ARHGAP32: variants seen among roughly 807,000 people sequenced by gnomAD.
ARHGAP32 encodes rho GTPase-activating protein 32.
In ARHGAP32, 51 loss-of-function variants were observed where a neutral mutation model predicts 186.5. The ratio of observed to expected loss-of-function variants is 0.27; its 90% CI spans 0.22 to 0.35. ARHGAP32 has a LOEUF of 0.35. Ranked by LOEUF, ARHGAP32 falls within the 10% of genes least tolerant of loss-of-function variation. ARHGAP32 has a pLI of 1.00. For synonymous variants in ARHGAP32, 950 were observed against 964.3 expected, an observed-to-expected ratio of 0.99 and a Z score of 0.27; for missense variants, 2,186 against 2,623.5, an observed-to-expected ratio of 0.83 and a Z score of 3.64.
At position 129,123,808 on chromosome 11, in the gene ARHGAP32, C is replaced by T. The variant is rs964997545; in HGVS notation, c.359+80G>A. 7.7e-6 allele frequency: 9 copies of T among 1,171,332 alleles called. No individual in the cohort carries two copies. Among genetic ancestry groups the T allele is most frequent in the South Asian group, 4.2e-5 (3 of 71,810 alleles). 72.6% of individuals were successfully genotyped at this position (1,171,332 alleles called of 1,614,324 possible). On this transcript the variant is annotated intron_variant, in intron 4 of 22. Coordinates refer to ENST00000682385, the MANE Select transcript of ARHGAP32 (RefSeq NM_001378024.1). The surrounding 1 kb of genome is among the most constrained non-coding windows in gnomAD (Gnocchi z 4.6). ...ATGTCCATAGAAAAACTGCTATTTTCGGCAAATGTTATGGAAACTGTGGAC... is the reference window on the plus strand; with the variant it reads ...ATGTCCATAGAAAAACTGCTATTTTTGGCAAATGTTATGGAAACTGTGGAC...
chr11:129,130,972 C>CATATAT (rs543545573), intron 2 of ARHGAP32, among the ~76,000 whole-genome samples: 17 of 151,444 alleles, frequency 1.1e-4, no homozygotes, highest in African/African-American at 3.6e-4. Context: ...TAAATTATGG[C>CATATAT]ATACATATAT....
intron 1 of ARHGAP32, among the ~76,000 whole-genome samples, chr11:129,164,732 T>G (rs1943598282): frequency 6.6e-6 from 1 of 152,198 alleles, no homozygotes; most frequent in South Asian, 2.1e-4. Context: ...CTTGAAAAGA[T>G]TTGCAACAGC....
chr11:129,223,378 T>C (rs1309365271), intron 1 of ARHGAP32, among the ~76,000 whole-genome samples: 1 of 151,638 alleles, frequency 6.6e-6, no homozygotes, highest in African/African-American at 2.4e-5. Context: ...AGTGCTTTTA[T>C]TTGTTTCTTA....
At chr11:129,140,441 T>C (rs1417399003) in intron 2 of ARHGAP32, among the ~76,000 whole-genome samples, 3 of 152,196 alleles carry the variant, frequency 2.0e-5, no homozygotes, top group Non-Finnish European at 4.4e-5. Flanking sequence ...TGATAATTTC[T>C]TATACATATT....
At chr11:129,192,366 G>A (rs74435669), upstream of ARHGAP32, among the ~76,000 whole-genome samples, 450 of 152,240 alleles carry the variant, frequency 3.0e-3, 8 homozygotes, top group African/African-American at 0.01. Flanking sequence ...GGAAATCACA[G>A]GCAGCACAGT....
At chr11:129,092,382 C>T (rs895800895) in intron 6 of ARHGAP32, among the ~76,000 whole-genome samples, 4 of 151,882 alleles carry the variant, frequency 2.6e-5, no homozygotes, top group South Asian at 2.1e-4. Context: ...GACATACCAA[C>T]GATGTACTCT....
At chr11:129,131,757 TG>T (rs1942815759) in intron 2 of ARHGAP32, among the ~76,000 whole-genome samples, 2 of 152,150 alleles carry the variant, frequency 1.3e-5, no homozygotes, top group Admixed American at 1.3e-4. Flanking sequence ...AGTGGTGGTA[TG>T]GGTACTTAAG....
At chr11:129,157,096 G>A (rs964649984) in intron 2 of ARHGAP32, among the ~76,000 whole-genome samples, 17 of 152,064 alleles carry the variant, frequency 1.1e-4, no homozygotes, top group Admixed American at 9.2e-4. Context: ...AAACACCAAA[G>A]GTAGATAAAT....
intron 1 of ARHGAP32, among the ~76,000 whole-genome samples, chr11:129,236,652 A>G (rs1202680165): frequency 6.6e-6 from 1 of 152,112 alleles, no homozygotes; most frequent in African/African-American, 2.4e-5. Context: ...AGCTTTTTGG[A>G]TACGTCTTTA....
At chr11:129,193,689 T>TTATATAA (rs1362495871), upstream of ARHGAP32, among the ~76,000 whole-genome samples, 6 of 24,420 alleles carry the variant, frequency 2.5e-4, no homozygotes, top group South Asian at 2.9e-3. Context: ...ATAATATATA[T>TTATATAA]TATATAATAT....
At position 129,226,451 on chromosome 11, in the gene ARHGAP32, T is replaced by C. The variant is rs1006699671; in HGVS notation, c.-5+52695A>G. ...AGAAATCATGGAGGCCAGAAGGCAG[T>C]AGAATTACGTATTCAAAGTGCTGAA... On this transcript the variant is annotated intron_variant, in intron 1 of 6. Transcript: ENST00000525234. Among the ~76,000 whole-genome samples, 5 of 152,240 alleles carry C rather than the reference T, an allele frequency of 3.3e-5. No homozygotes were observed. In the East Asian group the frequency reaches 5.8e-4, roughly 18 times the overall value.
At chr11:128,978,113 A>C (rs1417387913) in intron 19 of ARHGAP32, among the ~76,000 whole-genome samples, 2 of 152,054 alleles carry the variant, frequency 1.3e-5, no homozygotes, top group Admixed American at 6.5e-5. Context: ...GTACTACCCT[A>C]ATTTTCTATC....
intron 11 of ARHGAP32, among the ~76,000 whole-genome samples, chr11:129,030,852 G>GGCTTGGA (rs1437482893): frequency 6.6e-6 from 1 of 152,194 alleles, no homozygotes; most frequent in Non-Finnish European, 1.5e-5. Context: ...GATCCCTCAT[G>GGCTTGGA]GCTTGGAGCT....
At chr11:129,170,728 C>G (rs1434662839) in intron 1 of ARHGAP32, among the ~76,000 whole-genome samples, 1 of 152,174 alleles carries the variant, frequency 6.6e-6, no homozygotes, top group Non-Finnish European at 1.5e-5. Flanking sequence ...GGTTCCAGAT[C>G]GTTGAGGAAT....
rs1027283933 is a variant in ARHGAP32, at chr11:129,060,818, AT to A, written c.963+1461del. ...ATCAACACTTATTGATTAAAAAAAAATTATACATCAGACCTGGTCTAATAAG... is the reference window on the plus strand; with the variant it reads ...ATCAACACTTATTGATTAAAAAAAAATATACATCAGACCTGGTCTAATAAG... On this transcript the variant is annotated intron_variant, in intron 10 of 22. Transcript: ENST00000682385. 1.8e-4 allele frequency among the ~76,000 whole-genome samples: 14 copies of A among 79,188 alleles called. No individual in the cohort carries two copies. In the East Asian group the frequency reaches 1.8e-3, roughly 10 times the overall value. The allele number at this position is 79,188 out of a possible 152,430, so 52.0% of individuals were successfully genotyped here.
intron 11 of ARHGAP32, among the ~76,000 whole-genome samples, chr11:129,000,486 A>G (rs1340534823): frequency 6.6e-6 from 1 of 152,144 alleles, no homozygotes; most frequent in Non-Finnish European, 1.5e-5. Flanking sequence ...TACATTTAAA[A>G]AAATTTTCAT....
intron 1 of ARHGAP32, among the ~76,000 whole-genome samples, chr11:129,247,871 T>A (rs1667982841): frequency 6.6e-6 from 1 of 152,184 alleles, no homozygotes; most frequent in Non-Finnish European, 1.5e-5. Flanking sequence ...TGAAATTCAG[T>A]CAATGGAAAT....
At position 129,125,726 on chromosome 11, in the gene ARHGAP32, T is replaced by C. The variant is rs77667171; in HGVS notation, c.226-832A>G. 7.6e-3 allele frequency: 1,546 copies of C among 203,344 alleles called. 22 individuals carry two copies. Among genetic ancestry groups the C allele is most frequent in the African/African-American group, 0.027 (1,179 of 43,254 alleles). The allele number at this position is 203,344 out of a possible 1,614,324, so 12.6% of individuals were successfully genotyped here. ...ACTTTTCAAAGATATGAGGTAACAATGCATGAACTTATGAGAATTAAACCT... is the reference window on the plus strand; with the variant it reads ...ACTTTTCAAAGATATGAGGTAACAACGCATGAACTTATGAGAATTAAACCT... On this transcript the variant is annotated intron_variant, in intron 2 of 22. Transcript: ENST00000682385.
In ARHGAP32 at chr11:129,192,302, G is replaced by C; in HGVS notation, c.-104C>G. The C allele has an allele frequency of 2.6e-6, 2 of 776,372 alleles. No homozygotes were observed. Among genetic ancestry groups the C allele is most frequent in the Non-Finnish European group, 4.4e-6 (2 of 456,036 alleles). The allele number at this position is 776,372 out of a possible 1,614,324, so 48.1% of individuals were successfully genotyped here. On this transcript the variant is annotated 5_prime_UTR_variant, in exon 1 of 23. Transcript: ENST00000682385. ...CTCATGTATACTCAGATGTGTGTCT[G>C]GTGCCCTAGTGACAGGTACTGGTGC...
Sources: gnomAD v4.1 joint callset for allele counts (sites outside exome capture counted in the v4.1 genomes callset) on GRCh38, gnomAD v4.1.1 for gene constraint, Gnocchi (gnomAD v3.1) non-coding constraint, MANE v1.5 for transcripts, NCBI Gene and HGNC (gene_info 2026-07-23, HGNC 2026-07-21) for gene names.